EPS15: variants seen among roughly 807,000 people sequenced by gnomAD.
The protein encoded by EPS15 is epidermal growth factor receptor pathway substrate 15.
In EPS15, 72 loss-of-function variants were observed where a neutral mutation model predicts 113.8. The observed-to-expected ratio is 0.63, with a 90% CI of 0.52 to 0.77. The LOEUF (loss-of-function observed/expected upper bound fraction) is 0.77, where lower values mean the gene tolerates loss of function less well. Among genes scored for constraint, EPS15 ranks in the 30% least tolerant of loss-of-function variants. The probability of loss-of-function intolerance (pLI) is 0.00; values close to 1 mark genes in which losing one functional copy is unlikely to be tolerated. For missense variants in EPS15, 1,048 were observed against 1,045.8 expected, an observed-to-expected ratio of 1.00 and a Z score of -0.03; for synonymous variants, 344 against 363.4, an observed-to-expected ratio of 0.95 and a Z score of 0.61.
chr1:51,360,672 G>T (rs1646362520), intron 24 of EPS15, among the ~76,000 whole-genome samples: 1 of 152,146 alleles, frequency 6.6e-6, no homozygotes, highest in African/African-American at 2.4e-5. Flanking sequence ...AAGTTTAATA[G>T]TTTTACTTTC....
At chr1:51,452,913 T>A (rs1028483481) in intron 8 of EPS15, among the ~76,000 whole-genome samples, 1 of 152,210 alleles carries the variant, frequency 6.6e-6, no homozygotes, top group South Asian at 2.1e-4. Flanking sequence ...ACCAGCAAGG[T>A]TGGGCCTGAG....
intron 1 of EPS15, among the ~76,000 whole-genome samples, chr1:51,511,195 T>C (rs1223891285): frequency 6.8e-6 from 1 of 146,736 alleles, no homozygotes; most frequent in African/African-American, 2.5e-5. Flanking sequence ...AATAAGTATA[T>C]ATCTAAACCA....
chr1:51,447,042 T>C lies in EPS15; in HGVS notation c.715A>G (p.Met239Val). Residue 239 changes from methionine to valine, a missense_variant, in exon 10 of 25, where the codon ATG (methionine) becomes GTG (valine). Met to Val is a conservative substitution (Grantham distance 21). Coordinates refer to ENST00000371733, the MANE Select transcript of EPS15 (RefSeq NM_001981.3). ...TCCAATCCAGACACAAATCCGTCCA[T>C]ATCTTTATCAGTTTTCAGGAAGATT... ...DEIFLKTDKD[M>V]DGFVSGLEVR... 1 of 1,613,734 alleles carries C rather than the reference T, an allele frequency of 6.2e-7. No homozygotes were observed. The highest frequency in any genetic ancestry group is 1.3e-5 in the African/African-American group (1 of 75,026).
At position 51,467,968 on chromosome 1, in the gene EPS15, TA is replaced by T. The variant is rs202003941; in HGVS notation, c.309+504del. 3.6e-3 allele frequency among the ~76,000 whole-genome samples: 548 copies of T among 152,008 alleles called. 2 individuals are homozygous for T. The highest frequency in any genetic ancestry group is 0.013 in the African/African-American group (527 of 41,458). ...AAGAAAATAAGTATTTATATATATA[TA>T]TTTTTTTAAGACAGGGTCTTAAACC... On this transcript the variant is annotated intron_variant, in intron 5 of 24. Transcript: ENST00000371733.
At chr1:51,382,431 T>TTC (rs1385334065) in intron 21 of EPS15, 1 of 150,898 alleles carries the variant, frequency 6.6e-6, no homozygotes, top group Non-Finnish European at 1.5e-5. Flanking sequence ...TTTTTTTTTT[T>TTC]TTTTTGAGAC....
rs1385851631 is a variant in EPS15 at position 51,409,580 on chromosome 1, C to T, written c.1230G>A (p.Glu410=). ...ATTTCTTTCTGACTTCCTTGAGTTG[C>T]TCCTCCAGCTGGGCTTTCTGCTCAT... is the stretch of plus-strand genomic sequence containing the variant. ...ELDEQKAQLE[E]QLKEVRKKCA... The change falls in exon 14 of 25, where the codon GAG becomes GAA. Residue 410 remains glutamate (E), a synonymous_variant. Transcript: ENST00000371733. The T allele has an allele frequency of 1.2e-6, 2 of 1,613,962 alleles. No homozygotes were observed. The highest frequency in any genetic ancestry group is 2.2e-5 in the East Asian group (1 of 44,880).
chr1:51,424,228 A>G (rs1651018583), intron 12 of EPS15, among the ~76,000 whole-genome samples: 1 of 152,210 alleles, frequency 6.6e-6, no homozygotes, highest in South Asian at 2.1e-4. Context: ...CTTGTCCTGT[A>G]TATCAGACTG....
intron 2 of EPS15, among the ~76,000 whole-genome samples, chr1:51,477,088 CT>C (rs1643922758): frequency 6.6e-6 from 1 of 152,056 alleles, no homozygotes; most frequent in African/African-American, 2.4e-5. Flanking sequence ...TGGTCCTGGA[CT>C]TTTTTTGGTT....
intron 12 of EPS15, among the ~76,000 whole-genome samples, chr1:51,435,734 C>A (rs974880108): frequency 6.6e-6 from 1 of 152,066 alleles, no homozygotes; most frequent in Non-Finnish European, 1.5e-5. Flanking sequence ...ATAGCTCTTG[C>A]CCTTAGGAAT....
chr1:51,419,642 T>C (rs1279274851), intron 13 of EPS15, among the ~76,000 whole-genome samples: 5 of 152,104 alleles, frequency 3.3e-5, no homozygotes, highest in Non-Finnish European at 7.4e-5. Flanking sequence ...TGAAATACAC[T>C]CTCTTTGATT....
chr1:51,428,360 G>A (rs1342813744), intron 12 of EPS15, among the ~76,000 whole-genome samples: 1 of 152,144 alleles, frequency 6.6e-6, no homozygotes, highest in East Asian at 1.9e-4. Flanking sequence ...CAGTATTACT[G>A]TAATTTTTGT....
chr1:51,440,336 GC>G lies in EPS15; in HGVS notation c.1040+10del, dbSNP rs776975650. On this transcript the variant is annotated intron_variant, in intron 12 of 24. Coordinates refer to ENST00000371733, the MANE Select transcript of EPS15 (RefSeq NM_001981.3). ...GTGTATGTGAGTAGGCTGTAATTTT[GC>G]TTTACATACCTCTGTAGGTCAACTA... The G allele has an allele frequency of 3.1e-5, 36 of 1,161,780 alleles. No homozygotes were observed. In the African/African-American group the frequency reaches 4.2e-4, roughly 14 times the overall value. 72.0% of individuals were successfully genotyped at this position (1,161,780 alleles called of 1,614,324 possible).
intron 13 of EPS15, among the ~76,000 whole-genome samples, chr1:51,413,222 C>T (rs1366478788): frequency 1.3e-5 from 2 of 152,210 alleles, no homozygotes; most frequent in Non-Finnish European, 1.5e-5. Flanking sequence ...TCTTCAGAAT[C>T]CAGCCAAATT....
chr1:51,422,929 C>T (rs1225833420), intron 12 of EPS15, among the ~76,000 whole-genome samples: 1 of 152,214 alleles, frequency 6.6e-6, no homozygotes, highest in African/African-American at 2.4e-5. Context: ...TTTCAGTTTC[C>T]ATCTCAGACA....
chr1:51,427,627 T>G (rs1651341183), intron 12 of EPS15, among the ~76,000 whole-genome samples: 1 of 152,090 alleles, frequency 6.6e-6, no homozygotes, highest in South Asian at 2.1e-4. Context: ...GCAGGATGAT[T>G]AATTGCAAAG....
intron 12 of EPS15, among the ~76,000 whole-genome samples, chr1:51,439,879 G>GA (rs1438275463): frequency 6.6e-6 from 1 of 152,052 alleles, no homozygotes; most frequent in African/African-American, 2.4e-5. Context: ...TAACAATTAT[G>GA]AAAGCTCTTG....
At chr1:51,483,672 G>A (rs1339847890) in intron 1 of EPS15, among the ~76,000 whole-genome samples, 1 of 151,840 alleles carries the variant, frequency 6.6e-6, no homozygotes, top group Non-Finnish European at 1.5e-5. Context: ...TGGACAGGGT[G>A]GTGCATGCCT....
chr1:51,465,668 G>A (rs1159213798), intron 5 of EPS15, among the ~76,000 whole-genome samples: 2 of 152,006 alleles, frequency 1.3e-5, no homozygotes, highest in African/African-American at 4.8e-5. Flanking sequence ...GAGTAGCTGG[G>A]ATTACAGGAA....
At chr1:51,515,027 T>C (rs1644690190) in intron 1 of EPS15, among the ~76,000 whole-genome samples, 2 of 152,226 alleles carry the variant, frequency 1.3e-5, no homozygotes, top group Non-Finnish European at 2.9e-5. Flanking sequence ...ACTACTAAGA[T>C]GATATGTTTA....
Sources: gnomAD v4.1 joint callset for allele counts (sites outside exome capture counted in the v4.1 genomes callset) on GRCh38, gnomAD v4.1.1 for gene constraint, MANE v1.5 for transcripts, NCBI Gene and HGNC (gene_info 2026-07-23, HGNC 2026-07-21) for gene names.